The following BRIP1 variants were observed in gnomAD, a reference collection of about 807,000 sequenced individuals.
The protein encoded by BRIP1 is BRCA1 interacting DNA helicase 1.
BRIP1 carries 88 observed loss-of-function variants against 119.7 expected under a neutral mutation model. The ratio of observed to expected loss-of-function variants is 0.74; its 90% confidence interval spans 0.62 to 0.88. The LOEUF is 0.88. BRIP1 is among the 40% of genes least tolerant of loss of function. BRIP1 has a pLI of 0.00. For synonymous variants in BRIP1, 443 were observed against 496.5 expected, an observed-to-expected ratio of 0.89 and a Z score of 1.43; for missense variants, 1,259 against 1,455.4, an observed-to-expected ratio of 0.87 and a Z score of 2.20.
intron 7 of BRIP1, among the ~76,000 whole-genome samples, chr17:61,801,938 T>C (rs1177731880): frequency 6.6e-6 from 1 of 152,112 alleles, no homozygotes; most frequent in Non-Finnish European, 1.5e-5. Context: ...ATAGTATTTC[T>C]TATTCAAATA....
chr17:61,804,293 C>T lies in BRIP1; in HGVS notation c.919-2819G>A, dbSNP rs1006026398. ...ATTAATTCTACTATTTATTTTAAAACGATTTTGAAATAAAAATATTTATTT... is the reference window on the plus strand; with the variant it reads ...ATTAATTCTACTATTTATTTTAAAATGATTTTGAAATAAAAATATTTATTT... On this transcript the variant is annotated intron_variant, in intron 7 of 19. Transcript: ENST00000259008. The surrounding 1 kb of genome is among the most constrained non-coding windows in gnomAD (Gnocchi z 4.5). Among the ~76,000 whole-genome samples, 1 of 151,716 alleles carries T rather than the reference C, an allele frequency of 6.6e-6. No homozygotes were observed. Among genetic ancestry groups the T allele is most frequent in the African/African-American group, 2.4e-5 (1 of 41,238 alleles).
chr17:61,825,063 A>G lies in BRIP1; in HGVS notation c.628-16306T>C, dbSNP rs1193466684. 2.6e-5 allele frequency among the ~76,000 whole-genome samples: 4 copies of G among 152,176 alleles called. No homozygotes were observed. The highest frequency in any genetic ancestry group is 6.5e-5 in the Admixed American group (1 of 15,282). Reference sequence around the variant, plus strand: ...CACTTTGGGAGGCTGAGGCAGGCGGATCGCAAGGTCAGGAGATCGAGACCA... The same window carrying G: ...CACTTTGGGAGGCTGAGGCAGGCGGGTCGCAAGGTCAGGAGATCGAGACCA... On this transcript the variant is annotated intron_variant, in intron 6 of 19. Transcript: ENST00000259008. This position sits in a 1 kb window ranked among gnomAD's most constrained non-coding sequence, Gnocchi z 4.1.
At chr17:61,777,113 TG>T (rs2077546672) in intron 13 of BRIP1, among the ~76,000 whole-genome samples, 1 of 152,204 alleles carries the variant, frequency 6.6e-6, no homozygotes, top group South Asian at 2.1e-4. Context: ...ACGAAAATTT[TG>T]CAAAATGTTA....
chr17:61,781,368 T>C (rs1335129279), intron 11 of BRIP1, among the ~76,000 whole-genome samples: 1 of 152,194 alleles, frequency 6.6e-6, no homozygotes, highest in Non-Finnish European at 1.5e-5. Context: ...CATGATGAGT[T>C]ACAAAATAGA....
chr17:61,854,425 G>T (rs369011018), intron 4 of BRIP1, among the ~76,000 whole-genome samples: 1 of 152,220 alleles, frequency 6.6e-6, no homozygotes, highest in East Asian at 1.9e-4. Flanking sequence ...TTAAAAAGTT[G>T]GCCAGGCACG....
chr17:61,721,049 T>C (rs2144462272), intron 16 of BRIP1, among the ~76,000 whole-genome samples: 1 of 151,870 alleles, frequency 6.6e-6, no homozygotes, highest in East Asian at 2.0e-4. Flanking sequence ...ACATTGTTGG[T>C]CAGGCTGGTC....
chr17:61,756,115 A>G lies in BRIP1; in HGVS notation c.2098-11524T>C, dbSNP rs2077197152. On this transcript the variant is annotated intron_variant, in intron 14 of 19. Transcript: ENST00000259008. The surrounding 1 kb of genome is among the most constrained non-coding windows in gnomAD (Gnocchi z 4.3). ...AAACATACTGGTTATTTTAGTGAAA[A>G]TGGCCTACAGCAAATTTTCAGTTTC... is the stretch of plus-strand genomic sequence containing the variant. Among the ~76,000 whole-genome samples the G allele has an allele frequency of 6.6e-6, 1 of 152,192 alleles. No homozygotes were observed.
Position 61,687,436 on chromosome 17 carries a change from A to G in BRIP1, c.2576-1271T>C, listed in dbSNP as rs1231299741. Among the ~76,000 whole-genome samples, 2 of 142,720 alleles carry G rather than the reference A, an allele frequency of 1.4e-5. No individual in the cohort carries two copies. The highest frequency in any genetic ancestry group is 2.9e-5 in the Non-Finnish European group (2 of 67,976). The allele number at this position is 142,720 out of a possible 152,430, so 93.6% of individuals were successfully genotyped here. A position where few individuals can be genotyped will look rare whatever the true frequency, so the allele number is the denominator to read the frequency against. On this transcript the variant is annotated intron_variant, in intron 18 of 19. Transcript: ENST00000259008. This position sits in a 1 kb window ranked among gnomAD's most constrained non-coding sequence, Gnocchi z 5.1. ...TTTGCCTTTAGTTACTGTTTGACCT[A>G]TGCTACTGCACACTTTACGTGGAAA...
At position 61,796,442 on chromosome 17, in the gene BRIP1, G is replaced by A. The variant is rs1310334419; in HGVS notation, c.1340+2658C>T. On this transcript the variant is annotated intron_variant, in intron 9 of 19. Coordinates refer to ENST00000259008, the MANE Select transcript of BRIP1 (RefSeq NM_032043.3). This position sits in a 1 kb window ranked among gnomAD's most constrained non-coding sequence, Gnocchi z 4.8. ...GATTTGATTTTTGTTAATGGTGAAA[G>A]ATAGGGGTCTTGTTTTATTCTCCTG... 6.6e-6 allele frequency among the ~76,000 whole-genome samples: 1 copy of A among 152,046 alleles called. No homozygotes were observed. Among genetic ancestry groups the A allele is most frequent in the Non-Finnish European group, 1.5e-5 (1 of 67,980 alleles).
chr17:61,703,474 G>A lies in BRIP1; in HGVS notation c.2493-9962C>T, dbSNP rs969408308. Among the ~76,000 whole-genome samples, 2 of 152,076 alleles carry A rather than the reference G, an allele frequency of 1.3e-5. No homozygotes were observed. The highest frequency in any genetic ancestry group is 2.9e-5 in the Non-Finnish European group (2 of 67,998). On this transcript the variant is annotated intron_variant, in intron 17 of 19. Coordinates refer to ENST00000259008, the MANE Select transcript of BRIP1 (RefSeq NM_032043.3). This position sits in a 1 kb window ranked among gnomAD's most constrained non-coding sequence, Gnocchi z 5.0. ...GAGAAATGTCTGTTCATGTCCTTTG[G>A]CCACTTTTTAATGGGGTTGTTTTTT...
intron 10 of BRIP1, among the ~76,000 whole-genome samples, chr17:61,787,777 G>T (rs1272014648): frequency 4.6e-5 from 7 of 151,954 alleles, no homozygotes; most frequent in South Asian, 4.2e-4. Context: ...CCTGAGTAGC[G>T]GGGACTACAG....
rs2078382080 is a variant in BRIP1 at position 61,824,950 on chromosome 17, T to C, written c.628-16193A>G. 1.3e-5 allele frequency among the ~76,000 whole-genome samples: 2 copies of C among 152,134 alleles called. No individual in the cohort carries two copies. Among genetic ancestry groups the C allele is most frequent in the South Asian group, 4.1e-4 (2 of 4,826 alleles). ...TGGACAAAGGCAACATCATACTGAATGAGCAAAAGCTAGAAGCATTTCCCC... is the reference window on the plus strand; with the variant it reads ...TGGACAAAGGCAACATCATACTGAACGAGCAAAAGCTAGAAGCATTTCCCC... On this transcript the variant is annotated intron_variant, in intron 6 of 19. Coordinates refer to ENST00000259008, the MANE Select transcript of BRIP1 (RefSeq NM_032043.3). This position sits in a 1 kb window ranked among gnomAD's most constrained non-coding sequence, Gnocchi z 4.3.
In BRIP1 at chr17:61,720,163, A is replaced by G. The variant is rs2061950692; in HGVS notation, c.2380-4100T>C. On this transcript the variant is annotated intron_variant, in intron 16 of 19. Transcript: ENST00000259008. The surrounding 1 kb of genome is among the most constrained non-coding windows in gnomAD (Gnocchi z 4.3). ...GATTTGTTAAAGGATATAAAGTTAC[A>G]GCTAGATAGAAGGAATAAGTTCTAA... Among the ~76,000 whole-genome samples, 1 of 152,222 alleles carries G rather than the reference A, an allele frequency of 6.6e-6. No individual in the cohort carries two copies. The highest frequency in any genetic ancestry group is 2.1e-4 in the South Asian group (1 of 4,832).
At position 61,713,354 on chromosome 17, in the gene BRIP1, G is replaced by C; in HGVS notation, c.2492+2597C>G. Among the ~76,000 whole-genome samples, 1 of 151,872 alleles carries C rather than the reference G, an allele frequency of 6.6e-6. No homozygotes were observed. Among genetic ancestry groups the C allele is most frequent in the South Asian group, 2.1e-4 (1 of 4,810 alleles). On this transcript the variant is annotated intron_variant, in intron 17 of 19. Coordinates refer to ENST00000259008, the MANE Select transcript of BRIP1 (RefSeq NM_032043.3). This position sits in a 1 kb window ranked among gnomAD's most constrained non-coding sequence, Gnocchi z 4.9. ...AAACAGCTTCAGGCAGATCCCTCAG[G>C]AAGAATTCCAGAAGAAGGCATTGTT...
intron 6 of BRIP1, among the ~76,000 whole-genome samples, chr17:61,817,332 A>T (rs2078251497): frequency 1.3e-5 from 2 of 152,020 alleles, no homozygotes; most frequent in African/African-American, 4.8e-5. Flanking sequence ...AAAGGCTTTT[A>T]AAAAAAACCC....
Position 61,839,402 on chromosome 17 carries a change from T to C in BRIP1, c.627+7699A>G, listed in dbSNP as rs1490360547. ...ATTTTACCTATGTATTTTTGGGTTTTTTTTTCCCATAACCTTTCAGAAAGC... is the reference window on the plus strand; with the variant it reads ...ATTTTACCTATGTATTTTTGGGTTTCTTTTTCCCATAACCTTTCAGAAAGC... On this transcript the variant is annotated intron_variant, in intron 6 of 19. Coordinates refer to ENST00000259008, the MANE Select transcript of BRIP1 (RefSeq NM_032043.3). 2.0e-5 allele frequency among the ~76,000 whole-genome samples: 3 copies of C among 152,194 alleles called. No homozygotes were observed. The East Asian group carries it at 5.8e-4, about 29-fold the overall frequency.
Position 61,807,260 on chromosome 17 carries a change from GAGA to G in BRIP1, c.918+1204_918+1206del, listed in dbSNP as rs533889018. 2.4e-4 allele frequency among the ~76,000 whole-genome samples: 37 copies of G among 152,272 alleles called. No individual in the cohort carries two copies. The highest frequency in any genetic ancestry group is 4.3e-4 in the Non-Finnish European group (29 of 68,024). On this transcript the variant is annotated intron_variant, in intron 7 of 19. Coordinates refer to ENST00000259008, the MANE Select transcript of BRIP1 (RefSeq NM_032043.3). The surrounding 1 kb of genome is among the most constrained non-coding windows in gnomAD (Gnocchi z 4.5). ...CTTAATACTTTCATCTCTCCTTGAA[GAGA>G]AGTTTTTTAATATACAGAGTAAAGG... is the stretch of plus-strand genomic sequence containing the variant.
chr17:61,693,555 A>T lies in BRIP1; in HGVS notation c.2493-43T>A. On this transcript the variant is annotated intron_variant, in intron 17 of 19. Transcript: ENST00000259008. The surrounding 1 kb of genome is among the most constrained non-coding windows in gnomAD (Gnocchi z 4.2). Reference sequence around the variant, plus strand: ...AAAGTCAAATAATTATAACATCGGAAATAAATCCAGTTTTCCAGTGGGACA... The same window carrying T: ...AAAGTCAAATAATTATAACATCGGATATAAATCCAGTTTTCCAGTGGGACA... 1.3e-6 allele frequency: 2 copies of T among 1,519,330 alleles called. No homozygotes were observed. Among genetic ancestry groups the T allele is most frequent in the Non-Finnish European group, 1.8e-6 (2 of 1,094,860 alleles). The allele number at this position is 1,519,330 out of a possible 1,614,324, so 94.1% of individuals were successfully genotyped here.
intron 14 of BRIP1, among the ~76,000 whole-genome samples, chr17:61,772,919 G>A (rs527253453): frequency 2.6e-4 from 40 of 151,220 alleles, no homozygotes; most frequent in African/African-American, 8.7e-4. Flanking sequence ...AAAGACCTGC[G>A]AAGCCTCTGG....
Sources: gnomAD v4.1 joint callset for allele counts (sites outside exome capture counted in the v4.1 genomes callset) on GRCh38, gnomAD v4.1.1 for gene constraint, Gnocchi (gnomAD v3.1) non-coding constraint, MANE v1.5 for transcripts, NCBI Gene and HGNC (gene_info 2026-07-23, HGNC 2026-07-21) for gene names.